The following INPP5K variants were observed in gnomAD, a reference collection of about 807,000 sequenced individuals.
The protein encoded by INPP5K is inositol polyphosphate 5-phosphatase K.
In INPP5K, 35 loss-of-function variants were observed where a neutral mutation model predicts 53.5. That is an observed-to-expected ratio of 0.65 (90% CI 0.50 to 0.87). The LOEUF is 0.87. Ranked by LOEUF, INPP5K falls within the 40% of genes least tolerant of loss-of-function variation. INPP5K has a pLI of 0.00. For missense variants in INPP5K, 550 were observed against 586.2 expected, an observed-to-expected ratio of 0.94 and a Z score of 0.64; for synonymous variants, 253 against 232.8, an observed-to-expected ratio of 1.09 and a Z score of -0.79.
chr17:1,513,618 C>G, intron 2 of INPP5K, 57 bp from the exon 3 acceptor site: 1 of 1,429,908 alleles, frequency 7.0e-7, no homozygotes, highest in Admixed American at 1.7e-5. Flanking sequence ...TCCCCTGCCA[C>G]AGATATTTGA....
chr17:1,509,152 G>A (rs766821306), intron 5 of INPP5K, 26 bp downstream of exon 5: 3 of 1,396,222 alleles, frequency 2.1e-6, no homozygotes, highest in East Asian at 2.7e-5. Flanking sequence ...AGAGGGCGGG[G>A]AACGGTCTGC....
intron 7 of INPP5K, among the ~76,000 whole-genome samples, chr17:1,498,908 C>T (rs963255557): frequency 6.6e-6 from 1 of 152,176 alleles, no homozygotes; most frequent in Admixed American, 6.6e-5. Flanking sequence ...GTATCATGCT[C>T]TCTTTACAGG....
At chr17:1,511,692 T>G (rs2075313465) in intron 3 of INPP5K, among the ~76,000 whole-genome samples, 1 of 152,102 alleles carries the variant, frequency 6.6e-6, no homozygotes, top group Non-Finnish European at 1.5e-5. Flanking sequence ...CCAACAGGGA[T>G]GGAGGACGGG....
chr17:1,502,096 T>C (rs1427419382), intron 7 of INPP5K, among the ~76,000 whole-genome samples: 7 of 149,730 alleles, frequency 4.7e-5, no homozygotes, highest in Non-Finnish European at 8.9e-5. Context: ...ACGCCTGTAA[T>C]CCCAGCACTT....
In INPP5K at chr17:1,495,991, C is replaced by T; in HGVS notation, c.1290+69G>A. ...CTCATGTACCGGCTGGCTCCCAGGC[C>T]TGGGCCTCAGGGAGCCAGTGATGAG... On this transcript the variant is annotated intron_variant, in intron 11 of 11. Transcript: ENST00000421807. 2.1e-6 allele frequency: 3 copies of T among 1,423,012 alleles called. No homozygotes were observed. In the South Asian group the frequency reaches 3.5e-5, roughly 16 times the overall value. The allele number at this position is 1,423,012 out of a possible 1,614,324, so 88.1% of individuals were successfully genotyped here. A position where few individuals can be genotyped will look rare whatever the true frequency, so the allele number is the denominator to read the frequency against.
At chr17:1,497,340 G>A (rs1309402912) in intron 8 of INPP5K, among the ~76,000 whole-genome samples, 3 of 152,164 alleles carry the variant, frequency 2.0e-5, no homozygotes, top group Non-Finnish European at 4.4e-5. Flanking sequence ...GCGTGGTGGC[G>A]TGCACCTGTA....
chr17:1,499,963 T>TC (rs2074964397), intron 7 of INPP5K, among the ~76,000 whole-genome samples: 1 of 152,246 alleles, frequency 6.6e-6, no homozygotes, highest in South Asian at 2.1e-4. Context: ...GATTGATCAA[T>TC]CCATCGACAG....
At chr17:1,514,825 T>C (rs973904245) in intron 1 of INPP5K, among the ~76,000 whole-genome samples, 1 of 151,416 alleles carries the variant, frequency 6.6e-6, no homozygotes. Context: ...ATAAAAGAGA[T>C]AACACCACCA....
At chr17:1,510,144 T>C (rs946108067) in intron 3 of INPP5K, among the ~76,000 whole-genome samples, 7 of 152,268 alleles carry the variant, frequency 4.6e-5, no homozygotes, top group African/African-American at 1.7e-4. Context: ...TCAGTGTATT[T>C]TCTCATTGAT....
At chr17:1,496,506 G>A in intron 9 of INPP5K, 104 bp from the exon 10 acceptor site, 2 of 1,311,808 alleles carry the variant, frequency 1.5e-6, no homozygotes, top group South Asian at 2.5e-5. Context: ...ACCGTACTGT[G>A]TGCCTCCCCG....
chr17:1,505,473 G>A, intron 7 of INPP5K, among the ~76,000 whole-genome samples: 1 of 151,934 alleles, frequency 6.6e-6, no homozygotes, highest in East Asian at 1.9e-4. Flanking sequence ...GTTGATCTGG[G>A]CCGGCCATCC....
chr17:1,513,773 G>A lies in INPP5K; in HGVS notation c.152+99C>T, dbSNP rs1217664647. On this transcript the variant is annotated intron_variant, in intron 2 of 11. Transcript: ENST00000421807. ...CCCTGAAGCAGGCTGAAAGCTCCCA[G>A]CCTTCAGACTCCAGAGCGGAGGAGG... The A allele has an allele frequency of 2.9e-6, 3 of 1,023,922 alleles. No homozygotes were observed. The Admixed American group carries it at 6.6e-5, about 23-fold the overall frequency. 63.4% of individuals were successfully genotyped at this position (1,023,922 alleles called of 1,614,324 possible).
At chr17:1,498,315 C>G in intron 7 of INPP5K, 193 bp from the exon 8 acceptor site, 1 of 491,664 alleles carries the variant, frequency 2.0e-6, no homozygotes, top group South Asian at 3.8e-5. Context: ...CAAAGTATGC[C>G]AGCACTTGTC....
At position 1,502,327 on chromosome 17, in the gene INPP5K, C is replaced by T. The variant is rs149469084; in HGVS notation, c.777-4205G>A. On this transcript the variant is annotated intron_variant, in intron 7 of 11. Coordinates refer to ENST00000421807, the MANE Select transcript of INPP5K (RefSeq NM_016532.4). Reference sequence around the variant, plus strand: ...TCGCGCCACTGCACTCCAGCCTGGGCGACAGAGCGAGACTCCGTCTCAAAC... The same window carrying T: ...TCGCGCCACTGCACTCCAGCCTGGGTGACAGAGCGAGACTCCGTCTCAAAC... Among the ~76,000 whole-genome samples, 268 of 152,198 alleles carry T rather than the reference C, an allele frequency of 1.8e-3. 1 individual carries two copies. Among genetic ancestry groups the T allele is most frequent in the African/African-American group, 5.9e-3 (244 of 41,524 alleles).
intron 3 of INPP5K, 69 bp from the exon 4 acceptor site, chr17:1,509,868 G>T (rs569513213): frequency 2.2e-6 from 2 of 913,808 alleles, no homozygotes. Flanking sequence ...TCCAAGCTCC[G>T]TGCTAGGGAC....
Position 1,495,694 on chromosome 17 carries a change from G to A in INPP5K, c.*129C>T. The A allele has an allele frequency of 6.1e-6, 4 of 658,958 alleles. No individual in the cohort carries two copies. Among genetic ancestry groups the A allele is most frequent in the East Asian group, 2.7e-5 (1 of 36,536 alleles). The allele number at this position is 658,958 out of a possible 1,614,324, so 40.8% of individuals were successfully genotyped here. ...TGAGCCTGGTTAGAGCTCACTCTGGGAGGAGTATGTGGACGACACTTGGCT... is the reference window on the plus strand; with the variant it reads ...TGAGCCTGGTTAGAGCTCACTCTGGAAGGAGTATGTGGACGACACTTGGCT... On this transcript the variant is annotated 3_prime_UTR_variant, in exon 12 of 12. Transcript: ENST00000421807.
intron 3 of INPP5K, among the ~76,000 whole-genome samples, chr17:1,512,980 A>G (rs562100379): frequency 2.8e-4 from 43 of 152,342 alleles, no homozygotes; most frequent in African/African-American, 1.0e-3. Context: ...CTTCTGAGCC[A>G]TGGTTTTCTC....
intron 7 of INPP5K, among the ~76,000 whole-genome samples, chr17:1,499,608 A>T (rs979683903): frequency 6.6e-6 from 1 of 152,206 alleles, no homozygotes; most frequent in Non-Finnish European, 1.5e-5. Context: ...TCCTCTAGGT[A>T]ACTGAAGTTG....
At chr17:1,500,132 A>G (rs991966090) in intron 7 of INPP5K, among the ~76,000 whole-genome samples, 1 of 152,222 alleles carries the variant, frequency 6.6e-6, no homozygotes, top group African/African-American at 2.4e-5. Context: ...CCTTTAAGGC[A>G]TCTTCACTGC....
Sources: gnomAD v4.1 joint callset for allele counts (sites outside exome capture counted in the v4.1 genomes callset) on GRCh38, gnomAD v4.1.1 for gene constraint, MANE v1.5 for transcripts, NCBI Gene and HGNC (gene_info 2026-07-23, HGNC 2026-07-21) for gene names.